The following RXFP2 variants were observed in gnomAD, a reference collection of about 807,000 sequenced individuals.
The protein encoded by RXFP2 is relaxin family peptide receptor 2, also known as relaxin receptor 2.
A neutral mutation model predicts 88.6 loss-of-function variants in RXFP2; 68 were observed. The observed-to-expected ratio is 0.77, with a 90% CI of 0.63 to 0.94. The LOEUF is 0.94. Ranked by LOEUF, RXFP2 falls within the 40% of genes least tolerant of loss-of-function variation. The pLI is 0.00. For missense variants in RXFP2, 791 were observed against 893.9 expected (o/e 0.88, Z 1.47); for synonymous variants, 329 against 306.8 (o/e 1.07, Z -0.76).
At chr13:31,781,772 G>C (rs370765911) in intron 10 of RXFP2, 30 bp downstream of exon 10, 95 of 1,526,690 alleles carry the variant, frequency 6.2e-5, no homozygotes, top group Non-Finnish European at 8.1e-5. Context: ...CACTAAATGA[G>C]GGGAAACCCT....
At chr13:31,776,101 CT>C (rs137927361) in intron 7 of RXFP2, among the ~76,000 whole-genome samples, 12,782 of 56,778 alleles carry the variant, frequency 0.23, 712 homozygotes, top group Middle Eastern at 0.34. Flanking sequence ...TCTTTCTTTT[CT>C]TTTCTTTCTT....
Position 31,786,406 on chromosome 13 carries a change from C to A in RXFP2, c.953C>A (p.Thr318Lys). 6.2e-7 allele frequency: 1 copy of A among 1,608,202 alleles called. No individual in the cohort carries two copies. The highest frequency in any genetic ancestry group is 1.3e-5 in the African/African-American group (1 of 74,862). Residue 318 changes from threonine to lysine, a missense_variant, in exon 12 of 18, where the codon ACG becomes AAG. Thr to Lys is a moderately conservative substitution (Grantham distance 78). Coordinates refer to ENST00000298386, the MANE Select transcript of RXFP2 (RefSeq NM_130806.5). The part of the protein sequence containing the change: ...GELDLSSNTI[T>K]ELSPHLFKDL... ...AGGGATCTGTCTAGCAATACGATAA[C>A]GGAACTATCACCTCACCTTTTTAAA...
intron 13 of RXFP2, among the ~76,000 whole-genome samples, chr13:31,788,613 A>T (rs142605988): frequency 5.7e-4 from 87 of 152,322 alleles, no homozygotes; most frequent in African/African-American, 2.0e-3. Flanking sequence ...ATTCTAAGAC[A>T]TACCACTGGT....
intron 13 of RXFP2, among the ~76,000 whole-genome samples, chr13:31,787,456 T>C (rs961697798): frequency 1.3e-5 from 2 of 152,356 alleles, no homozygotes; most frequent in Admixed American, 1.3e-4. Flanking sequence ...TTTTTTAAAA[T>C]ATAAGGACAG....
intron 7 of RXFP2, 78 bp from the exon 8 acceptor site, chr13:31,777,298 G>T: frequency 1.1e-6 from 1 of 927,620 alleles, no homozygotes; most frequent in Non-Finnish European, 1.7e-6. Flanking sequence ...AAAGGAGTAG[G>T]CCAGGTGTTG....
At chr13:31,796,036 T>C (rs1413583546) in intron 16 of RXFP2, among the ~76,000 whole-genome samples, 25 of 137,952 alleles carry the variant, frequency 1.8e-4, no homozygotes, top group Admixed American at 1.6e-3. Context: ...CTATGTGTTA[T>C]TCTTTTTTTT....
At chr13:31,779,917 C>T (rs1004776469) in intron 9 of RXFP2, among the ~76,000 whole-genome samples, 2 of 152,074 alleles carry the variant, frequency 1.3e-5, no homozygotes, top group African/African-American at 4.8e-5. Context: ...CGTAAGTGTG[C>T]CACTATTAAA....
At chr13:31,788,011 C>T (rs945420057) in intron 13 of RXFP2, among the ~76,000 whole-genome samples, 1 of 152,102 alleles carries the variant, frequency 6.6e-6, no homozygotes, top group Non-Finnish European at 1.5e-5. Context: ...CCAACTTACA[C>T]AAAGCATTGT....
In RXFP2 at chr13:31,739,797, G is replaced by A. The variant is rs74044215; in HGVS notation, c.94+91G>A. 1.4e-5 allele frequency: 12 copies of A among 846,472 alleles called. No individual in the cohort carries two copies. The African/African-American group carries it at 2.0e-4, about 14-fold the overall frequency. The allele number at this position is 846,472 out of a possible 1,614,324, so 52.4% of individuals were successfully genotyped here. A position where few individuals can be genotyped will look rare whatever the true frequency, so the allele number is the denominator to read the frequency against. On this transcript the variant is annotated intron_variant, in intron 1 of 17. Transcript: ENST00000298386. The stretch of plus-strand genomic sequence containing the variant: ...TATGGCAGTTGTAATAAATATATTG[G>A]GGTGTTTAAAAAAAAAACAGACATC...
At chr13:31,786,510 A>G (rs1168278279) in intron 12 of RXFP2, 56 bp downstream of exon 12, 4 of 1,548,142 alleles carry the variant, frequency 2.6e-6, no homozygotes, top group Admixed American at 1.7e-5. Context: ...TGAGCTTTCA[A>G]AATAATAATA....
At chr13:31,753,387 C>G (rs1458663718) in intron 1 of RXFP2, among the ~76,000 whole-genome samples, 1 of 152,046 alleles carries the variant, frequency 6.6e-6, no homozygotes, top group Non-Finnish European at 1.5e-5. Flanking sequence ...GAATATTGAC[C>G]AGAAGACAGA....
intron 2 of RXFP2, among the ~76,000 whole-genome samples, chr13:31,759,408 A>AGAAAGAAAGAAAGAAAGAAAGAAG (rs1872167688): frequency 6.7e-6 from 1 of 150,218 alleles, no homozygotes; most frequent in Non-Finnish European, 1.5e-5. Context: ...AAAGAAAGAA[A>AGAAAGAAAGAAAGAAAGAAAGAAG]GAAAGAAAGA....
rs374003152 is a variant in RXFP2, at chr13:31,791,868, C to T, written c.1208C>T (p.Thr403Met). The part of the protein sequence containing the change: ...APHVRICMPL[T>M]DGISSFEDLL... ...CATGTCCGAATATGTATGCCCTTGA[C>T]GGACGGCATTTCTTCATTTGAGGAC... Residue 403 changes from threonine (T) to methionine (M), a missense_variant, in exon 15 of 18, where the codon ACG (threonine) becomes ATG (methionine). By Grantham distance (81) the Thr-to-Met change is moderately conservative (BLOSUM62 -1). Transcript: ENST00000298386. 6.1e-5 allele frequency: 98 copies of T among 1,614,004 alleles called. No individual in the cohort carries two copies. The highest frequency in any genetic ancestry group is 7.5e-5 in the Non-Finnish European group (89 of 1,180,008).
chr13:31,797,088 C>T, intron 16 of RXFP2, 113 bp from the exon 17 acceptor site: 1 of 798,760 alleles, frequency 1.3e-6, no homozygotes, highest in East Asian at 2.5e-5. Flanking sequence ...AATCCGAAAT[C>T]CAAAACATTT....
At position 31,754,207 on chromosome 13, in the gene RXFP2, A is replaced by T. The variant is rs369688335; in HGVS notation, c.95-4051A>T. Among the ~76,000 whole-genome samples the T allele has an allele frequency of 7.9e-5, 12 of 152,122 alleles. No individual in the cohort carries two copies. The East Asian group carries it at 9.6e-4, about 12-fold the overall frequency. On this transcript the variant is annotated intron_variant, in intron 1 of 17. Transcript: ENST00000298386. ...CGCCTAGACGTTCTGCATATGTGAG[A>T]TGGGCATTTAGTTAGGTCCAGCCCT... is the stretch of plus-strand genomic sequence containing the variant.
At position 31,766,012 on chromosome 13, in the gene RXFP2, C is replaced by G; in HGVS notation, c.482C>G (p.Thr161Arg). ...SLPDKVFIKY[T>R]KLKKIFLQHN... ...CCAGATAAAGTTTTCATCAAATACA[C>G]AAAACTTAAAAAGATGTAAGTAGCC... The change falls in exon 5 of 18, where the codon ACA becomes AGA. Residue 161 changes from threonine to arginine, a missense_variant. Physicochemically the swap from Thr to Arg is moderately conservative, Grantham distance 71. Transcript: ENST00000298386. 1 of 1,533,802 alleles carries G rather than the reference C, an allele frequency of 6.5e-7. No individual in the cohort carries two copies. The highest frequency in any genetic ancestry group is 1.1e-5 in the South Asian group (1 of 88,990).
intron 16 of RXFP2, among the ~76,000 whole-genome samples, chr13:31,793,871 C>T (rs1472134641): frequency 6.6e-6 from 1 of 152,138 alleles, no homozygotes; most frequent in East Asian, 1.9e-4. Flanking sequence ...CTGCTCCTTC[C>T]AGTCTCTACC....
chr13:31,753,681 TATA>T (rs1264301164), intron 1 of RXFP2, among the ~76,000 whole-genome samples: 2 of 152,220 alleles, frequency 1.3e-5, no homozygotes, highest in African/African-American at 2.4e-5. Context: ...ATTTAATTTG[TATA>T]ATGACAGAGT....
At chr13:31,780,225 T>C (rs1474451503) in intron 9 of RXFP2, among the ~76,000 whole-genome samples, 1 of 152,152 alleles carries the variant, frequency 6.6e-6, no homozygotes, top group Non-Finnish European at 1.5e-5. Context: ...ACAGCCTGAT[T>C]GCAATTGAGA....
Sources: allele counts gnomAD v4.1 joint callset (sites outside exome capture counted in the v4.1 genomes callset), GRCh38; gene constraint gnomAD v4.1.1; transcripts MANE v1.5; gene names NCBI Gene and HGNC (gene_info 2026-07-23, HGNC 2026-07-21).